ICA1L: variants seen among roughly 807,000 people sequenced by gnomAD.
The protein encoded by ICA1L is islet cell autoantigen 1-like protein.
In ICA1L, 50 loss-of-function variants were observed where a neutral mutation model predicts 61.3. That is an observed-to-expected ratio of 0.82 (90% CI 0.65 to 1.03). ICA1L has a LOEUF of 1.03. Ranked by LOEUF, ICA1L falls within the 50% of genes least tolerant of loss-of-function variation. The pLI, the probability that ICA1L is intolerant of heterozygous loss-of-function variation, is 0.00. For missense variants in ICA1L, 508 were observed against 556.7 expected (o/e 0.91, Z 0.88); for synonymous variants, 161 against 191.3 (o/e 0.84, Z 1.31).
At chr2:202,846,489 G>A (rs1301304635) in intron 1 of ICA1L, among the ~76,000 whole-genome samples, 1 of 152,096 alleles carries the variant, frequency 6.6e-6, no homozygotes, top group African/African-American at 2.4e-5. Flanking sequence ...CAAGTGGGGG[G>A]TTCCCAAGAC....
At chr2:202,815,850 A>T in intron 7 of ICA1L, 61 bp downstream of exon 7, 1 of 989,242 alleles carries the variant, frequency 1.0e-6, no homozygotes. Flanking sequence ...AAAAAGTTTC[A>T]ATGTTATCAC....
At chr2:202,863,793 G>A (rs983423088) in intron 1 of ICA1L, among the ~76,000 whole-genome samples, 4 of 150,272 alleles carry the variant, frequency 2.7e-5, no homozygotes, top group Non-Finnish European at 5.9e-5. Flanking sequence ...CACCACTGCA[G>A]TCCAGCCTGG....
rs905067239 is a variant in ICA1L, at chr2:202,777,876, C to CTTTTTTTTTTTTTTTTT, written c.*1640_*1656dup. 8.6e-6 allele frequency: 1 copy of CTTTTTTTTTTTTTTTTT among 116,908 alleles called. No homozygotes were observed. The highest frequency in any genetic ancestry group is 1.7e-5 in the Non-Finnish European group (1 of 57,282). 7.2% of individuals were successfully genotyped at this position (116,908 alleles called of 1,614,324 possible). On this transcript the variant is annotated 3_prime_UTR_variant, in exon 13 of 13. Coordinates refer to ENST00000358299, the MANE Select transcript of ICA1L (RefSeq NM_001288622.3). ...ACTGTGAATAACTTAGTTAAAATGT[C>CTTTTTTTTTTTTTTTTT]TTTTTTTTTTTTTTTTTTTTTTGAG...
At chr2:202,836,307 G>T (rs1338050186) in intron 1 of ICA1L, among the ~76,000 whole-genome samples, 1 of 152,076 alleles carries the variant, frequency 6.6e-6, no homozygotes, top group African/African-American at 2.4e-5. Flanking sequence ...TGTAAATATG[G>T]TGTATCACTA....
chr2:202,825,743 A>G lies in ICA1L; in HGVS notation c.187T>C (p.Cys63Arg), dbSNP rs1267780418. The change falls in exon 3 of 13, where the codon TGC becomes CGC. Residue 63 changes from cysteine to arginine, a missense_variant. Coordinates refer to ENST00000358299, the MANE Select transcript of ICA1L (RefSeq NM_001288622.3). ...LEVFHSVQET[C>R]TELLKIIEKY... is the part of the protein sequence containing the mutation. ...TCGATTATCTTCAGAAGTTCAGTGC[A>G]TGTCTCTTGAACAGAGTGAAAAACC... The G allele has an allele frequency of 1.3e-6, 2 of 1,587,430 alleles. No individual in the cohort carries two copies. The highest frequency in any genetic ancestry group is 1.7e-6 in the Non-Finnish European group (2 of 1,159,620).
intron 1 of ICA1L, chr2:202,841,506 T>G (rs1403396992): frequency 1.3e-6 from 1 of 745,970 alleles, no homozygotes; most frequent in Non-Finnish European, 2.5e-6. Flanking sequence ...TTCTCCTGGG[T>G]GCACACGGCC....
chr2:202,809,941 CAG>C (rs1465274016), intron 9 of ICA1L, among the ~76,000 whole-genome samples: 2 of 152,012 alleles, frequency 1.3e-5, no homozygotes, highest in African/African-American at 4.8e-5. Flanking sequence ...GGGGTAATAA[CAG>C]AGAATTTCCC....
intron 2 of ICA1L, among the ~76,000 whole-genome samples, chr2:202,827,746 G>A (rs1693889120): frequency 6.6e-6 from 1 of 152,058 alleles, no homozygotes; most frequent in Admixed American, 6.6e-5. Flanking sequence ...TTACACATTT[G>A]TCATTGAATC....
rs1306153318 is a variant in ICA1L, at chr2:202,773,909, A to G, written c.*5624T>C. The G allele has an allele frequency of 8.1e-7, 1 of 1,241,284 alleles. No individual in the cohort carries two copies. The highest frequency in any genetic ancestry group is 1.8e-5 in the Admixed American group (1 of 56,376). 76.9% of individuals were successfully genotyped at this position (1,241,284 alleles called of 1,614,324 possible). On this transcript the variant is annotated 3_prime_UTR_variant, in exon 13 of 13. Coordinates refer to ENST00000358299, the MANE Select transcript of ICA1L (RefSeq NM_001288622.3). The stretch of plus-strand genomic sequence containing the variant: ...CTAAATAAACCAGTGGAATAAGAAC[A>G]GTCAACGTAGAAAGAGACAGAAAGA...
chr2:202,809,599 G>A (rs531490842), intron 9 of ICA1L, among the ~76,000 whole-genome samples: 33 of 151,840 alleles, frequency 2.2e-4, no homozygotes, highest in African/African-American at 7.0e-4. Context: ...GCCATGAGCC[G>A]AGATGGTGCC....
At chr2:202,791,418 C>G (rs1395684730) in intron 10 of ICA1L, among the ~76,000 whole-genome samples, 1 of 152,152 alleles carries the variant, frequency 6.6e-6, no homozygotes, top group African/African-American at 2.4e-5. Context: ...ATAAGATAAG[C>G]AACCCAATTA....
At chr2:202,808,693 G>C (rs1693294009) in intron 9 of ICA1L, among the ~76,000 whole-genome samples, 1 of 152,194 alleles carries the variant, frequency 6.6e-6, no homozygotes, top group Non-Finnish European at 1.5e-5. Context: ...CATGTGTTTG[G>C]GGGGAAGTAA....
intron 8 of ICA1L, among the ~76,000 whole-genome samples, chr2:202,812,714 A>C (rs967643694): frequency 1.3e-5 from 2 of 152,336 alleles, no homozygotes; most frequent in South Asian, 2.1e-4. Flanking sequence ...ACTTGTAAAT[A>C]CTACACAAAT....
At chr2:202,807,921 A>G (rs1329461420) in intron 9 of ICA1L, among the ~76,000 whole-genome samples, 2 of 152,088 alleles carry the variant, frequency 1.3e-5, no homozygotes, top group African/African-American at 2.4e-5. Flanking sequence ...GGAAGGATTT[A>G]TCATCTGATG....
At chr2:202,787,402 GTAAATCTTTA>G (rs1302974487) in intron 11 of ICA1L, among the ~76,000 whole-genome samples, 4 of 152,190 alleles carry the variant, frequency 2.6e-5, no homozygotes, top group African/African-American at 9.7e-5. Context: ...AAATCAGTTT[GTAAATCTTTA>G]TAGCTACTGA....
At chr2:202,868,637 T>C (rs1033945928) in intron 1 of ICA1L, among the ~76,000 whole-genome samples, 8 of 152,136 alleles carry the variant, frequency 5.3e-5, no homozygotes, top group Non-Finnish European at 5.9e-5. Flanking sequence ...GCTATACAGA[T>C]AAAAATGTAG....
intron 3 of ICA1L, among the ~76,000 whole-genome samples, chr2:202,823,940 G>T (rs1455362501): frequency 2.0e-5 from 3 of 152,054 alleles, no homozygotes; most frequent in Non-Finnish European, 4.4e-5. Context: ...TGCTTTATTG[G>T]ATTTATTTCT....
intron 1 of ICA1L, among the ~76,000 whole-genome samples, chr2:202,868,925 G>A (rs573749777): frequency 1.3e-5 from 2 of 151,974 alleles, no homozygotes; most frequent in South Asian, 2.1e-4. Flanking sequence ...CTGAGATCGC[G>A]CCACTGCACT....
intron 1 of ICA1L, among the ~76,000 whole-genome samples, chr2:202,865,846 C>T (rs1398953768): frequency 1.3e-5 from 2 of 152,136 alleles, no homozygotes. Context: ...AGGTTGGTCT[C>T]AAACTCCTGG....
Sources: allele counts gnomAD v4.1 joint callset (sites outside exome capture counted in the v4.1 genomes callset), GRCh38; gene constraint gnomAD v4.1.1; transcripts MANE v1.5; gene names NCBI Gene and HGNC (gene_info 2026-07-23, HGNC 2026-07-21).